The following USH2A variants were observed in gnomAD, a reference collection of about 807,000 sequenced individuals.
USH2A encodes Usher syndrome 2A (autosomal recessive, mild).
USH2A carries 443 observed loss-of-function variants against 538.9 expected under a neutral mutation model. That is an observed-to-expected ratio of 0.82 (90% CI 0.76 to 0.89). The LOEUF is 0.89. Among genes scored for constraint, USH2A ranks in the 40% least tolerant of loss-of-function variants. The probability of loss-of-function intolerance (pLI) is 0.00; values close to 1 mark genes in which losing one functional copy is unlikely to be tolerated. For synonymous variants in USH2A, 2,413 were observed against 2,273.5 expected (o/e 1.06, Z -1.75); for missense variants, 6,633 against 6,324.8 (o/e 1.05, Z -1.65).
chr1:216,306,518 T>C (rs1306479413), intron 9 of USH2A, among the ~76,000 whole-genome samples: 1 of 152,152 alleles, frequency 6.6e-6, no homozygotes, highest in African/African-American at 2.4e-5. Context: ...AATTCAGAGT[T>C]TTCTTCTTGG....
chr1:215,963,190 A>G (rs192483899), intron 37 of USH2A, among the ~76,000 whole-genome samples: 3 of 152,282 alleles, frequency 2.0e-5, no homozygotes, highest in Admixed American at 1.3e-4. Flanking sequence ...AACAGATGAT[A>G]TCTTAAATAA....
intron 13 of USH2A, among the ~76,000 whole-genome samples, chr1:216,244,497 T>A (rs953811048): frequency 6.6e-6 from 1 of 151,992 alleles, no homozygotes; most frequent in African/African-American, 2.4e-5. Context: ...AGCCATAGAT[T>A]TGGGTGGGAG....
intron 8 of USH2A, among the ~76,000 whole-genome samples, chr1:216,322,311 A>G (rs1303637834): frequency 1.3e-5 from 2 of 152,176 alleles, no homozygotes; most frequent in Non-Finnish European, 2.9e-5. Context: ...AGTTAAGAAT[A>G]TAAAGTTCAG....
chr1:216,198,438 G>C lies in USH2A; in HGVS notation c.3958C>G (p.Pro1320Ala). 6.2e-7 allele frequency: 1 copy of C among 1,614,012 alleles called. No individual in the cohort carries two copies. The highest frequency in any genetic ancestry group is 8.5e-7 in the Non-Finnish European group (1 of 1,179,966). ...ESANENALKPPQTMTTITGLE... is the reference protein window; with the variant it reads ...ESANENALKPAQTMTTITGLE... The stretch of plus-strand genomic sequence containing the variant: ...CCAGTGATGGTTGTCATTGTTTGAG[G>C]AGGTTTTAATGCATTTTCATTGGCC... The change falls in exon 18 of 72, where the codon CCT (proline) becomes GCT (alanine). Residue 1320 changes from proline to alanine, a missense_variant. By Grantham distance (27) the Pro-to-Ala change is conservative. Transcript: ENST00000307340.
intron 3 of USH2A, among the ~76,000 whole-genome samples, chr1:216,387,495 C>T (rs964097426): frequency 2.0e-5 from 3 of 152,154 alleles, no homozygotes; most frequent in Non-Finnish European, 4.4e-5. Flanking sequence ...AATATTGTCA[C>T]ATTTAGATAA....
rs374377559 is a variant in USH2A at position 216,183,133 on chromosome 1, A to G, written c.4396+7090T>C. 1.5e-4 allele frequency among the ~76,000 whole-genome samples: 23 copies of G among 152,160 alleles called. No homozygotes were observed. In the East Asian group the frequency reaches 2.9e-3, roughly 19 times the overall value. On this transcript the variant is annotated intron_variant, in intron 20 of 71. Coordinates refer to ENST00000307340, the MANE Select transcript of USH2A (RefSeq NM_206933.4). ...ATCCAACTCATTTTCTTCAATTTAC[A>G]AAGCTGGGCATTCCTGAACTTCTCT...
intron 14 of USH2A, among the ~76,000 whole-genome samples, chr1:216,219,504 T>G (rs1227329795): frequency 6.6e-6 from 1 of 152,124 alleles, no homozygotes; most frequent in Non-Finnish European, 1.5e-5. Flanking sequence ...GATGTCATTT[T>G]ATAAGTTATC....
At chr1:216,046,296 T>A in intron 32 of USH2A, 135 bp downstream of exon 32, 1 of 917,164 alleles carries the variant, frequency 1.1e-6, no homozygotes. Context: ...CTGTTGTTAT[T>A]TTTTTCACAT....
chr1:216,350,583 A>G (rs1225202731), intron 4 of USH2A, among the ~76,000 whole-genome samples: 6 of 152,232 alleles, frequency 3.9e-5, no homozygotes, highest in South Asian at 2.1e-4. Flanking sequence ...CAGTCATCAA[A>G]TTTTAGTGCT....
intron 21 of USH2A, among the ~76,000 whole-genome samples, chr1:216,137,526 C>A (rs886352379): frequency 6.6e-6 from 1 of 152,150 alleles, no homozygotes; most frequent in Non-Finnish European, 1.5e-5. Flanking sequence ...AGGCCGCCTG[C>A]AGACCGAGGA....
chr1:215,632,035 G>A (rs1031285248), intron 70 of USH2A, among the ~76,000 whole-genome samples: 1 of 152,004 alleles, frequency 6.6e-6, no homozygotes, highest in African/African-American at 2.4e-5. Context: ...AAATCTTGCT[G>A]TGCATCAGAC....
chr1:215,710,539 A>C (rs1659311172), intron 61 of USH2A, among the ~76,000 whole-genome samples: 1 of 152,116 alleles, frequency 6.6e-6, no homozygotes, highest in South Asian at 2.1e-4. Flanking sequence ...GTGGTAAGTA[A>C]ACATACCCAG....
At chr1:216,326,984 G>A (rs1370170610) in intron 5 of USH2A, among the ~76,000 whole-genome samples, 1 of 152,056 alleles carries the variant, frequency 6.6e-6, no homozygotes, top group Non-Finnish European at 1.5e-5. Context: ...AAAATTCTGT[G>A]TGCTTTTAAG....
chr1:216,379,249 G>A (rs1377013783), intron 3 of USH2A, among the ~76,000 whole-genome samples: 1 of 152,126 alleles, frequency 6.6e-6, no homozygotes, highest in Non-Finnish European at 1.5e-5. Context: ...CACCAACTCA[G>A]TACTCTCCTC....
chr1:215,921,875 CTA>C (rs1191954153), intron 38 of USH2A, among the ~76,000 whole-genome samples: 1 of 152,018 alleles, frequency 6.6e-6, no homozygotes, highest in Non-Finnish European at 1.5e-5. Flanking sequence ...ACACCTGCAC[CTA>C]GTATTAATAA....
chr1:215,728,801 A>C (rs1240585929), intron 60 of USH2A, among the ~76,000 whole-genome samples: 5 of 152,240 alleles, frequency 3.3e-5, no homozygotes, highest in Admixed American at 6.5e-5. Flanking sequence ...AAAATACAGA[A>C]GCATATATTA....
At chr1:215,732,540 CTTTCTTTTTTTTTTTTT>C (rs1660028297) in intron 60 of USH2A, among the ~76,000 whole-genome samples, 1 of 83,510 alleles carries the variant, frequency 1.2e-5, no homozygotes, top group Non-Finnish European at 2.4e-5. Flanking sequence ...CTCCTTTTTT[CTTTCTTTTTTTTTTTTT>C]TTTTTTTTTT....
At chr1:216,026,130 A>G (rs1168987446) in intron 32 of USH2A, among the ~76,000 whole-genome samples, 2 of 152,142 alleles carry the variant, frequency 1.3e-5, no homozygotes, top group East Asian at 3.8e-4. Flanking sequence ...AGTGGAAGGT[A>G]TAGTAAACAT....
At chr1:216,048,104 G>A (rs1477736790) in intron 31 of USH2A, among the ~76,000 whole-genome samples, 2 of 152,106 alleles carry the variant, frequency 1.3e-5, no homozygotes, top group African/African-American at 4.8e-5. Context: ...CTGTGCTGCT[G>A]TTTAGCAGTT....
Sources: gnomAD v4.1 joint callset for allele counts (sites outside exome capture counted in the v4.1 genomes callset) on GRCh38, gnomAD v4.1.1 for gene constraint, MANE v1.5 for transcripts, NCBI Gene and HGNC (gene_info 2026-07-23, HGNC 2026-07-21) for gene names.